The following GALNTL6 variants were observed in gnomAD, a reference collection of about 807,000 sequenced individuals.
GALNTL6 encodes the protein polypeptide N-acetylgalactosaminyltransferase like 6, also known as polypeptide N-acetylgalactosaminyltransferase-like 6.
In GALNTL6, 46 loss-of-function variants were observed where a neutral mutation model predicts 73.7. The observed-to-expected ratio is 0.62, with a 90% confidence interval of 0.49 to 0.80. The LOEUF is 0.80. Ranked by LOEUF, GALNTL6 falls within the 30% of genes least tolerant of loss-of-function variation. The pLI is 0.00. For missense variants in GALNTL6, 604 were observed against 755.0 expected (o/e 0.80, Z 2.34); for synonymous variants, 259 against 263.7 (o/e 0.98, Z 0.17).
chr4:172,797,528 A>T (rs1219031787), intron 5 of GALNTL6, among the ~76,000 whole-genome samples: 1 of 151,956 alleles, frequency 6.6e-6, no homozygotes, highest in Admixed American at 6.6e-5. Context: ...TACAGGAGTG[A>T]GCCACCACGC....
intron 5 of GALNTL6, among the ~76,000 whole-genome samples, chr4:172,434,358 G>C (rs1554023737): frequency 6.6e-6 from 1 of 152,078 alleles, no homozygotes; most frequent in Non-Finnish European, 1.5e-5. Flanking sequence ...GTGAAGTATA[G>C]TTGACACATT....
At chr4:172,651,446 C>G (rs1740472393) in intron 5 of GALNTL6, among the ~76,000 whole-genome samples, 1 of 152,170 alleles carries the variant, frequency 6.6e-6, no homozygotes. Flanking sequence ...GATTTTTTCA[C>G]TTTCAATCCC....
At chr4:172,920,891 T>C (rs1747755781) in intron 8 of GALNTL6, among the ~76,000 whole-genome samples, 1 of 152,188 alleles carries the variant, frequency 6.6e-6, no homozygotes. Context: ...TTAGGATACA[T>C]CACTTAATGA....
At chr4:171,997,788 A>AAG (rs1046505864) in intron 2 of GALNTL6, among the ~76,000 whole-genome samples, 4 of 151,952 alleles carry the variant, frequency 2.6e-5, no homozygotes, top group African/African-American at 4.8e-5. Context: ...GAACATGAAA[A>AAG]AGAGAGAGAG....
intron 4 of GALNTL6, among the ~76,000 whole-genome samples, chr4:172,319,530 G>T (rs1740682654): frequency 6.6e-6 from 1 of 152,036 alleles, no homozygotes; most frequent in Non-Finnish European, 1.5e-5. Context: ...ACAGATAATT[G>T]TACTTGATTT....
chr4:172,178,816 C>T (rs548944162), intron 2 of GALNTL6, among the ~76,000 whole-genome samples: 338 of 107,184 alleles, frequency 3.2e-3, no homozygotes, highest in Non-Finnish European at 5.2e-3. Context: ...TCCCCCCACC[C>T]CACAACAGTC....
At chr4:171,899,709 T>G (rs1737025351) in intron 2 of GALNTL6, among the ~76,000 whole-genome samples, 1 of 152,174 alleles carries the variant, frequency 6.6e-6, no homozygotes, top group South Asian at 2.1e-4. Flanking sequence ...ATTGTTTGAG[T>G]GTCATCTGCT....
chr4:172,256,027 A>G lies in GALNTL6; in HGVS notation c.247+26263A>G, dbSNP rs187439968. Among the ~76,000 whole-genome samples the G allele has an allele frequency of 5.8e-3, 882 of 151,662 alleles. 4 individuals carry two copies. The highest frequency in any genetic ancestry group is 8.8e-3 in the Non-Finnish European group (596 of 67,578). On this transcript the variant is annotated intron_variant, in intron 3 of 12. Transcript: ENST00000506823. ...CGCATATTTGTGAAATATTTTTACA[A>G]CATGGAAATCATAAGGTATATGTTG...
chr4:171,855,192 A>G (rs1735653915), intron 2 of GALNTL6, among the ~76,000 whole-genome samples: 1 of 152,214 alleles, frequency 6.6e-6, no homozygotes, highest in African/African-American at 2.4e-5. Context: ...TTTGGAAGAT[A>G]TATAATGGCA....
chr4:171,892,173 A>G (rs776677180), intron 2 of GALNTL6, among the ~76,000 whole-genome samples: 1 of 152,204 alleles, frequency 6.6e-6, no homozygotes, highest in African/African-American at 2.4e-5. Context: ...TATCCCCAAG[A>G]TACTTCATTA....
At chr4:171,929,584 C>T (rs572298267) in intron 2 of GALNTL6, among the ~76,000 whole-genome samples, 14 of 152,334 alleles carry the variant, frequency 9.2e-5, no homozygotes, top group East Asian at 3.9e-4. Flanking sequence ...ACCTGCACAA[C>T]GGCGTGGCCT....
intron 2 of GALNTL6, among the ~76,000 whole-genome samples, chr4:172,126,482 A>G (rs1279420821): frequency 6.6e-6 from 1 of 152,154 alleles, no homozygotes; most frequent in East Asian, 1.9e-4. Flanking sequence ...AAGTGACAGG[A>G]AACACCTGAA....
intron 5 of GALNTL6, among the ~76,000 whole-genome samples, chr4:172,764,279 TTGAG>T (rs1417367452): frequency 6.6e-6 from 1 of 152,130 alleles, no homozygotes; most frequent in Non-Finnish European, 1.5e-5. Flanking sequence ...TTCTAACAAA[TTGAG>T]AGAAAATAAT....
intron 2 of GALNTL6, among the ~76,000 whole-genome samples, chr4:171,820,092 T>TA (rs763102518): frequency 1.3e-5 from 2 of 152,034 alleles, no homozygotes; most frequent in Non-Finnish European, 2.9e-5. Context: ...AAACAACAGA[T>TA]AAAAAACCTG....
intron 2 of GALNTL6, among the ~76,000 whole-genome samples, chr4:171,982,479 C>T (rs921248220): frequency 2.6e-5 from 4 of 152,066 alleles, no homozygotes; most frequent in Non-Finnish European, 4.4e-5. Context: ...TTTGTATTTT[C>T]ATTAGAGACG....
chr4:172,161,598 T>C (rs1020577410), intron 2 of GALNTL6, among the ~76,000 whole-genome samples: 1 of 151,778 alleles, frequency 6.6e-6, no homozygotes, highest in Non-Finnish European at 1.5e-5. Context: ...GAAAAGTATA[T>C]AATAGGAAGG....
intron 2 of GALNTL6, among the ~76,000 whole-genome samples, chr4:171,837,183 C>T (rs1019949926): frequency 6.6e-6 from 1 of 152,030 alleles, no homozygotes; most frequent in South Asian, 2.1e-4. Context: ...AGATATACAA[C>T]CTGAATCAAA....
At chr4:172,305,259 A>G (rs1159776869) in intron 3 of GALNTL6, among the ~76,000 whole-genome samples, 1 of 152,198 alleles carries the variant, frequency 6.6e-6, no homozygotes, top group African/African-American at 2.4e-5. Context: ...CATAAATTAC[A>G]TGTTAAGTAT....
chr4:172,680,229 GT>G (rs905145601), intron 5 of GALNTL6, among the ~76,000 whole-genome samples: 9 of 152,050 alleles, frequency 5.9e-5, no homozygotes, highest in African/African-American at 2.2e-4. Context: ...ACATTGTGTA[GT>G]TTTTTTAAAA....
Sources: allele counts gnomAD v4.1 joint callset (sites outside exome capture counted in the v4.1 genomes callset), GRCh38; gene constraint gnomAD v4.1.1; transcripts MANE v1.5; gene names NCBI Gene and HGNC (gene_info 2026-07-23, HGNC 2026-07-21).